The following FAT2 variants were observed in gnomAD, a reference collection of about 807,000 sequenced individuals.
FAT2 encodes protocadherin Fat 2.
In FAT2, 150 loss-of-function variants were observed where a neutral mutation model predicts 295.3. The observed-to-expected ratio is 0.51, with a 90% CI of 0.44 to 0.58. The LOEUF (loss-of-function observed/expected upper bound fraction) is 0.58, where lower values mean the gene tolerates loss of function less well. Among genes scored for constraint, FAT2 ranks in the 20% least tolerant of loss-of-function variants. The probability of loss-of-function intolerance (pLI) is 0.00; values close to 1 mark genes in which losing one functional copy is unlikely to be tolerated. For missense variants in FAT2, 4,868 were observed against 5,442.7 expected (o/e 0.89, Z 3.32); for synonymous variants, 2,026 against 2,150.3 (o/e 0.94, Z 1.60).
rs777020321 is a variant in FAT2 at position 151,554,427 on chromosome 5, C to G, written c.3880G>C (p.Asp1294His). 1 of 1,614,222 alleles carries G rather than the reference C, an allele frequency of 6.2e-7. No homozygotes were observed. The highest frequency in any genetic ancestry group is 8.5e-7 in the Non-Finnish European group (1 of 1,180,044). ...GATGAAACCACACCTGTGACCAGGTCGATACTGAAGGCCTCCTCATCGCTG... is the reference window on the plus strand; with the variant it reads ...GATGAAACCACACCTGTGACCAGGTGGATACTGAAGGCCTCCTCATCGCTG... Reference protein sequence around the residue: ...EDSDEEAFSIDLVTGVVSSSS... With the variant: ...EDSDEEAFSIHLVTGVVSSSS... Residue 1294 changes from aspartate to histidine, a missense_variant, in exon 5 of 24, where the codon GAC becomes CAC. Physicochemically the swap from Asp to His is moderately conservative, Grantham distance 81. Transcript: ENST00000261800.
rs553514731 is a variant in FAT2, at chr5:151,560,671, A to G, written c.3574+2654T>C. ...TGTTATGCCCTTTCAAACTGGTTCT[A>G]TTGTGTTTATATCCAAATCTTCATG... On this transcript the variant is annotated intron_variant, in intron 3 of 23. Coordinates refer to ENST00000261800, the MANE Select transcript of FAT2 (RefSeq NM_001447.3). Among the ~76,000 whole-genome samples the G allele has an allele frequency of 9.9e-4, 151 of 152,268 alleles. 1 individual carries two copies. The highest frequency in any genetic ancestry group is 4.7e-3 in the Admixed American group (72 of 15,292).
chr5:151,590,211 A>G (rs1759343836), intron 1 of FAT2, among the ~76,000 whole-genome samples: 1 of 152,226 alleles, frequency 6.6e-6, no homozygotes, highest in African/African-American at 2.4e-5. Context: ...CCACCTGTGA[A>G]GCAGGGCTGA....
intron 3 of FAT2, among the ~76,000 whole-genome samples, chr5:151,557,609 C>T (rs1353594901): frequency 6.6e-6 from 1 of 152,216 alleles, no homozygotes; most frequent in Non-Finnish European, 1.5e-5. Context: ...GCAGAGGCAG[C>T]GCCTTCATTA....
rs3734051 is a variant in FAT2 at position 151,525,837 on chromosome 5, C to T, written c.10437G>A (p.Pro3479=). Residue 3479 remains proline (P), a synonymous_variant, in exon 18 of 24, where the codon CCG becomes CCA. Coordinates refer to ENST00000261800, the MANE Select transcript of FAT2 (RefSeq NM_001447.3). The part of the protein sequence containing the change: ...GNNGSAFRVT[P]DGWLVTAEGL... Reference sequence around the variant, plus strand: ...CCTCAGCAGTCACCAGCCATCCATCCGGGGTCACTCGGAAGGCAGAGCCGT... The same window carrying T: ...CCTCAGCAGTCACCAGCCATCCATCTGGGGTCACTCGGAAGGCAGAGCCGT... 382,010 of 1,613,798 alleles carry T rather than the reference C, an allele frequency of 0.24. 47,105 individuals carry two copies. The highest frequency in any genetic ancestry group is 0.25 in the Non-Finnish European group (298,706 of 1,179,916).
intron 1 of FAT2, among the ~76,000 whole-genome samples, chr5:151,570,661 G>A (rs77306386): frequency 6.6e-6 from 1 of 151,746 alleles, no homozygotes; most frequent in Admixed American, 6.6e-5. Context: ...GCTGATGCCT[G>A]GCTTGCCCCT....
chr5:151,589,768 G>A (rs1759326010), intron 1 of FAT2, among the ~76,000 whole-genome samples: 1 of 152,138 alleles, frequency 6.6e-6, no homozygotes, highest in Admixed American at 6.5e-5. Flanking sequence ...AGGTGTGGTG[G>A]TGTTTGTCTG....
Position 151,507,247 on chromosome 5 carries a change from A to C in FAT2, c.12424T>G (p.Cys4142Gly), listed in dbSNP as rs1383251158. Residue 4142 changes from cysteine to glycine, a missense_variant, in exon 23 of 24, where the codon TGC (cysteine) becomes GGC (glycine). Transcript: ENST00000261800. ...GPNSKQRPVV[C>G]SVPPRLPPAA... ...GGCGGGAGTCTGGGGGGCACACTGC[A>C]GACCACTGGCCGTTGCTTAGAATTG... The C allele has an allele frequency of 1.2e-6, 2 of 1,614,204 alleles. No individual in the cohort carries two copies. Among genetic ancestry groups the C allele is most frequent in the South Asian group, 2.2e-5 (2 of 91,082 alleles).
chr5:151,565,679 C>G lies in FAT2; in HGVS notation c.3253G>C (p.Asp1085His). The G allele has an allele frequency of 1.2e-6, 1 of 835,804 alleles. No individual in the cohort carries two copies. Among genetic ancestry groups the G allele is most frequent in the Non-Finnish European group, 1.8e-6 (1 of 549,552 alleles). The allele number at this position is 835,804 out of a possible 1,614,324, so 51.8% of individuals were successfully genotyped here. Reference sequence around the variant, plus strand: ...CCTACCCCACCCCCAGTACCTGTATCTTGGTTGATGCTGAAGGCTGCGAGT... The same window carrying G: ...CCTACCCCACCCCCAGTACCTGTATGTTGGTTGATGCTGAAGGCTGCGAGT... ...TGLAAFSINQ[D>H]TGMIQTLAPL... The change falls in exon 2 of 24, where the codon GAT becomes CAT. Residue 1085 changes from aspartate (D) to histidine (H), a missense_variant. By Grantham distance (81) the Asp-to-His change is moderately conservative. This residue lies in a region of FAT2 where 3,297 missense variants were observed against 3,669.4 expected (regional missense o/e 0.90). Transcript: ENST00000261800.
chr5:151,556,767 G>A (rs1010463168), intron 3 of FAT2, among the ~76,000 whole-genome samples: 2 of 152,252 alleles, frequency 1.3e-5, no homozygotes, highest in South Asian at 4.1e-4. Context: ...TAATGCAAGT[G>A]TTCTGAGCGC....
intron 6 of FAT2, among the ~76,000 whole-genome samples, chr5:151,552,181 G>T (rs1757277915): frequency 1.3e-5 from 2 of 152,014 alleles, no homozygotes; most frequent in Admixed American, 1.3e-4. Context: ...TGGAGTGTAT[G>T]GTGCAATCAT....
chr5:151,552,774 G>T (rs1757335711), intron 6 of FAT2, among the ~76,000 whole-genome samples: 1 of 152,190 alleles, frequency 6.6e-6, no homozygotes, highest in Non-Finnish European at 1.5e-5. Flanking sequence ...GTGAAACCTG[G>T]AGCCAAAACA....
At position 151,566,469 on chromosome 5, in the gene FAT2, A is replaced by G. The variant is rs759885565; in HGVS notation, c.2463T>C (p.Pro821=). 3 of 1,613,488 alleles carry G rather than the reference A, an allele frequency of 1.9e-6. No individual in the cohort carries two copies. Among genetic ancestry groups the G allele is most frequent in the Non-Finnish European group, 2.5e-6 (3 of 1,179,772 alleles). The change falls in exon 2 of 24, where the codon CCT becomes CCC. Residue 821 remains proline, a synonymous_variant. Coordinates refer to ENST00000261800, the MANE Select transcript of FAT2 (RefSeq NM_001447.3). The part of the protein sequence containing the change: ...KDWNDNAPRF[P]PGGYQLTISE... Reference sequence around the variant, plus strand: ...AGATGGTTAACTGGTACCCACCGGGAGGAAATCTGGGTGCGTTGTCATTCC... The same window carrying G: ...AGATGGTTAACTGGTACCCACCGGGGGGAAATCTGGGTGCGTTGTCATTCC...
intron 1 of FAT2, among the ~76,000 whole-genome samples, chr5:151,584,623 A>G (rs1759099802): frequency 1.3e-5 from 2 of 152,212 alleles, no homozygotes; most frequent in Admixed American, 1.3e-4. Flanking sequence ...AGCACCTAGC[A>G]CTTAGTGAGC....
At chr5:151,506,139 C>T (rs754300342) in intron 23 of FAT2, 42 bp from the exon 24 acceptor site, 44 of 1,489,886 alleles carry the variant, frequency 3.0e-5, no homozygotes, top group African/African-American at 9.8e-5. Flanking sequence ...ATTTTCTCCC[C>T]GGAAGGTTTC....
At chr5:151,572,338 AAG>A (rs1248322248) in intron 1 of FAT2, among the ~76,000 whole-genome samples, 17 of 152,184 alleles carry the variant, frequency 1.1e-4, no homozygotes, top group African/African-American at 3.4e-4. Context: ...TGAACGCTGA[AAG>A]AGCCTTTCAT....
At chr5:151,540,881 C>T (rs1756061308) in intron 10 of FAT2, 118 bp from the exon 11 acceptor site, 2 of 884,390 alleles carry the variant, frequency 2.3e-6, no homozygotes, top group African/African-American at 1.7e-5. Context: ...CAAACATTTC[C>T]TTCCTTAACT....
At position 151,553,406 on chromosome 5, in the gene FAT2, C is replaced by G; in HGVS notation, c.3946-19G>C. ...CCTTGATCTGAAAGGAGGCCAACAC[C>G]AAAACTGAGGTTTGGGGCCAAGAGA... On this transcript the variant is annotated intron_variant, in intron 5 of 23. Coordinates refer to ENST00000261800, the MANE Select transcript of FAT2 (RefSeq NM_001447.3). 1.2e-6 allele frequency: 2 copies of G among 1,611,422 alleles called. No individual in the cohort carries two copies. The highest frequency in any genetic ancestry group is 2.2e-5 in the South Asian group (2 of 90,718).
At chr5:151,528,187 G>A in intron 15 of FAT2, 54 bp from the exon 16 acceptor site, 2 of 1,598,532 alleles carry the variant, frequency 1.3e-6, no homozygotes, top group South Asian at 2.2e-5. Context: ...TGACCCCTGG[G>A]AGTACAGGGG....
intron 17 of FAT2, among the ~76,000 whole-genome samples, chr5:151,526,323 A>C (rs1248176991): frequency 6.6e-6 from 1 of 152,236 alleles, no homozygotes; most frequent in Non-Finnish European, 1.5e-5. Flanking sequence ...GGATTACATA[A>C]GGGAATGTTG....
Sources: allele counts gnomAD v4.1 joint callset (sites outside exome capture counted in the v4.1 genomes callset), GRCh38; gene constraint gnomAD v4.1.1; regional missense constraint gnomAD v4.1.1; transcripts MANE v1.5; gene names NCBI Gene and HGNC (gene_info 2026-07-23, HGNC 2026-07-21).